PKHD1L1: variants seen among roughly 807,000 people sequenced by gnomAD.
The protein encoded by PKHD1L1 is PKHD1 like 1.
In PKHD1L1, 434 loss-of-function variants were observed where a neutral mutation model predicts 462.9. That is an observed-to-expected ratio of 0.94 (90% CI 0.87 to 1.02). PKHD1L1 has a LOEUF of 1.02. Ranked by LOEUF, PKHD1L1 falls within the 50% of genes least tolerant of loss-of-function variation. The pLI is 0.00. For synonymous variants in PKHD1L1, 1,781 were observed against 1,750.0 expected, an observed-to-expected ratio of 1.02 and a Z score of -0.44; for missense variants, 5,202 against 5,096.1, an observed-to-expected ratio of 1.02 and a Z score of -0.63.
Position 109,445,169 on chromosome 8 carries a change from T to C in PKHD1L1, c.5300T>C (p.Ile1767Thr), listed in dbSNP as rs530302167. The change falls in exon 38 of 78, where the codon ATT becomes ACT. Residue 1767 changes from isoleucine (I) to threonine (T), a missense_variant. Ile to Thr is a moderately conservative substitution (Grantham distance 89). Transcript: ENST00000378402. ...GTCATAGGATCTGTAAAAGTTCTTA[T>C]TGAAGGAGAAGGTTTGGGGACTGTT... ...NSVIGSVKVL[I>T]EGEGLGTVLE... 4 of 1,613,958 alleles carry C rather than the reference T, an allele frequency of 2.5e-6. No homozygotes were observed. Among genetic ancestry groups the C allele is most frequent in the Non-Finnish European group, 2.5e-6 (3 of 1,179,890 alleles).
Position 109,385,607 on chromosome 8 carries a change from T to C in PKHD1L1, c.546T>C (p.Asn182=), listed in dbSNP as rs368618153. 25 of 1,597,174 alleles carry C rather than the reference T, an allele frequency of 1.6e-5. No homozygotes were observed. Among genetic ancestry groups the C allele is most frequent in the Non-Finnish European group, 2.1e-5 (25 of 1,167,374 alleles). ...VYGSNIALSS[N]GKNVRILRVY... is the part of the protein sequence containing the mutation. The stretch of plus-strand genomic sequence containing the variant: ...GAAGTAATATTGCACTAAGCTCAAA[T>C]GGGAAAAATGTTAGGATTTTGAGGT... Residue 182 remains asparagine (N), a synonymous_variant, in exon 6 of 78, where the codon AAT becomes AAC. Coordinates refer to ENST00000378402, the MANE Select transcript of PKHD1L1 (RefSeq NM_177531.6).
At position 109,532,650 on chromosome 8, in the gene PKHD1L1, A is replaced by G. The variant is rs1416476162; in HGVS notation, c.*2560A>G. On this transcript the variant is annotated 3_prime_UTR_variant, in exon 78 of 78. Coordinates refer to ENST00000378402, the MANE Select transcript of PKHD1L1 (RefSeq NM_177531.6). ...TAAATATGTTGTTCCAATTTTGGTC[A>G]AAGTAAGAAACAGAGAATAAAAAGT... Among the ~76,000 whole-genome samples the G allele has an allele frequency of 2.0e-5, 3 of 152,220 alleles. No homozygotes were observed. Among genetic ancestry groups the G allele is most frequent in the African/African-American group, 7.2e-5 (3 of 41,458 alleles).
At chr8:109,478,842 C>A (rs1269242831) in intron 53 of PKHD1L1, among the ~76,000 whole-genome samples, 1 of 152,066 alleles carries the variant, frequency 6.6e-6, no homozygotes, top group East Asian at 1.9e-4. Flanking sequence ...ATTTTCATCA[C>A]TGGAAATAGT....
Position 109,518,382 on chromosome 8 carries a change from C to T in PKHD1L1, c.11905C>T (p.Pro3969Ser). ...VKNLALFLKI[P>S]SDKIRISKIR... is the part of the protein sequence containing the mutation. ...AAATCTTGCCTTGTTCCTAAAGATA[C>T]CAAGTGACAAAATCCGTATCAGCAA... Residue 3969 changes from proline to serine, a missense_variant, in exon 73 of 78, where the codon CCA (proline) becomes TCA (serine). Physicochemically the swap from Pro to Ser is moderately conservative, Grantham distance 74. Around this residue, in one of 3 missense-constraint regions of PKHD1L1, gnomAD observed 698 missense variants for 736.3 expected, o/e 0.95. Transcript: ENST00000378402. 6.2e-7 allele frequency: 1 copy of T among 1,613,196 alleles called. No homozygotes were observed. The highest frequency in any genetic ancestry group is 8.5e-7 in the Non-Finnish European group (1 of 1,179,460).
At chr8:109,451,680 A>G (rs561237688) in intron 41 of PKHD1L1, among the ~76,000 whole-genome samples, 94 of 152,364 alleles carry the variant, frequency 6.2e-4, no homozygotes, top group African/African-American at 2.1e-3. Flanking sequence ...ACCAGATCGC[A>G]TACACCATAG....
chr8:109,495,166 A>G (rs73704041), intron 63 of PKHD1L1, among the ~76,000 whole-genome samples: 7,361 of 152,156 alleles, frequency 0.048, 429 homozygotes, highest in African/African-American at 0.14. Flanking sequence ...ATTCTGAAGG[A>G]ATAAAAACTA....
intron 13 of PKHD1L1, 79 bp from the exon 14 acceptor site, chr8:109,401,418 T>C (rs1409612946): frequency 4.0e-6 from 3 of 757,202 alleles, no homozygotes; most frequent in Non-Finnish European, 6.4e-6. Context: ...ACTGAAATAA[T>C]AAATGATAAA....
intron 9 of PKHD1L1, among the ~76,000 whole-genome samples, chr8:109,391,405 C>T (rs986249782): frequency 2.6e-5 from 4 of 152,200 alleles, no homozygotes; most frequent in African/African-American, 9.7e-5. Flanking sequence ...TGCTTACCAT[C>T]CTGATCCAGG....
rs529319967 is a variant in PKHD1L1 at position 109,390,275 on chromosome 8, A to G, written c.698-177A>G. ...GACACCTTATTACGTATATTTTTAT[A>G]TAGTGGCTGCTTTAGGATAGTTCAA... On this transcript the variant is annotated intron_variant, in intron 8 of 77. Coordinates refer to ENST00000378402, the MANE Select transcript of PKHD1L1 (RefSeq NM_177531.6). Among the ~76,000 whole-genome samples the G allele has an allele frequency of 1.5e-3, 227 of 152,200 alleles. 1 individual carries two copies. Among genetic ancestry groups the G allele is most frequent in the Non-Finnish European group, 2.0e-3 (139 of 68,024 alleles).
intron 21 of PKHD1L1, 114 bp downstream of exon 21, chr8:109,413,659 G>A (rs1813979430): frequency 1.4e-5 from 7 of 485,366 alleles, no homozygotes; most frequent in South Asian, 1.3e-4. Context: ...GGAGATGAGG[G>A]CAAATAATGC....
At chr8:109,518,054 GA>G in intron 72 of PKHD1L1, 112 bp from the exon 73 acceptor site, 1 of 713,432 alleles carries the variant, frequency 1.4e-6, no homozygotes, top group Non-Finnish European at 2.2e-6. Context: ...ATGAAAGAAT[GA>G]TAAAGTTGAA....
intron 67 of PKHD1L1, among the ~76,000 whole-genome samples, chr8:109,501,959 A>G (rs771810211): frequency 7.9e-5 from 12 of 151,916 alleles, no homozygotes; most frequent in Non-Finnish European, 1.6e-4. Context: ...AGGAGTCCAT[A>G]TTTATCCTTA....
At position 109,498,522 on chromosome 8, in the gene PKHD1L1, G is replaced by C. The variant is rs1375782791; in HGVS notation, c.10660G>C (p.Asp3554His). The stretch of plus-strand genomic sequence containing the variant: ...TTGCTCTGATGTCCTAACTAATGAT[G>C]ATCCTAATATTGAACTCACTGCTGC... Reference protein sequence around the residue: ...FNCSDVLTNDDPNIELTAAHR... With the variant: ...FNCSDVLTNDHPNIELTAAHR... Residue 3554 changes from aspartate to histidine, a missense_variant, in exon 66 of 78, where the codon GAT (aspartate) becomes CAT (histidine). Asp to His is a moderately conservative substitution (Grantham distance 81). Transcript: ENST00000378402. 1.2e-6 allele frequency: 2 copies of C among 1,613,696 alleles called. No individual in the cohort carries two copies. Among genetic ancestry groups the C allele is most frequent in the African/African-American group, 2.7e-5 (2 of 74,920 alleles).
chr8:109,448,218 AT>A lies in PKHD1L1; in HGVS notation c.5853del (p.Asn1951LysfsTer7), dbSNP rs1236984622. ...FEILEISVMI[N>X]NIQCNVTMAN... ...ATCTTGGAAATCTCCGTGATGATAA[AT>A]AACATTCAGTGTAATGTAACCATGG... On this transcript the variant is annotated frameshift_variant, in exon 39 of 78. Transcript: ENST00000378402. LOFTEE classifies it high-confidence loss of function. The A allele has an allele frequency of 2.5e-6, 4 of 1,613,304 alleles. No individual in the cohort carries two copies. Among genetic ancestry groups the A allele is most frequent in the East Asian group, 2.2e-5 (1 of 44,882 alleles).
Position 109,442,162 on chromosome 8 carries a change from G to C in PKHD1L1, c.4360G>C (p.Gly1454Arg). The C allele has an allele frequency of 6.2e-7, 1 of 1,612,584 alleles. No homozygotes were observed. The highest frequency in any genetic ancestry group is 1.3e-5 in the African/African-American group (1 of 74,934). Residue 1454 changes from glycine to arginine, a missense_variant, in exon 35 of 78, where the codon GGA becomes CGA. Physicochemically the swap from Gly to Arg is moderately radical, Grantham distance 125 (BLOSUM62 -2). Transcript: ENST00000378402. Reference sequence around the variant, plus strand: ...TGGAAGTGTAATTTATGATGGCAAAGGATTCACAAGTGGAAGACAAAAATC... The same window carrying C: ...TGGAAGTGTAATTTATGATGGCAAACGATTCACAAGTGGAAGACAAAAATC... ...SPGSVIYDGK[G>R]FTSGRQKSTS...
intron 21 of PKHD1L1, among the ~76,000 whole-genome samples, chr8:109,414,990 T>G (rs867581433): frequency 8.6e-4 from 127 of 147,472 alleles, no homozygotes; most frequent in Middle Eastern, 3.6e-3. Flanking sequence ...ATTATTATTA[T>G]TATTATTATT....
In PKHD1L1 at chr8:109,389,172, C is replaced by G. The variant is rs1457024623; in HGVS notation, c.697+20C>G. 69 of 1,571,456 alleles carry G rather than the reference C, an allele frequency of 4.4e-5. No individual in the cohort carries two copies. The highest frequency in any genetic ancestry group is 6.0e-5 in the Non-Finnish European group (69 of 1,143,508). ...TTATTGGCAAGTGTTGGTCATCTTT[C>G]TTCATAATGCTCACAGATGCCTTAT... On this transcript the variant is annotated intron_variant, in intron 8 of 77. Coordinates refer to ENST00000378402, the MANE Select transcript of PKHD1L1 (RefSeq NM_177531.6).
At chr8:109,400,777 T>A (rs1813231980) in intron 13 of PKHD1L1, among the ~76,000 whole-genome samples, 2 of 152,138 alleles carry the variant, frequency 1.3e-5, no homozygotes, top group South Asian at 4.1e-4. Context: ...GATAAGTTTT[T>A]ATTTACTTCT....
intron 76 of PKHD1L1, among the ~76,000 whole-genome samples, chr8:109,524,946 G>A (rs1820743177): frequency 6.6e-6 from 1 of 151,208 alleles, no homozygotes; most frequent in South Asian, 2.1e-4. Flanking sequence ...ATCAAGTGTG[G>A]CATCCCTGGT....
Sources: allele counts gnomAD v4.1 joint callset (sites outside exome capture counted in the v4.1 genomes callset), GRCh38; gene constraint gnomAD v4.1.1; regional missense constraint gnomAD v4.1.1; transcripts MANE v1.5; gene names NCBI Gene and HGNC (gene_info 2026-07-23, HGNC 2026-07-21).